CDKAL1: variants seen among roughly 807,000 people sequenced by gnomAD.
CDKAL1 encodes threonylcarbamoyladenosine tRNA methylthiotransferase.
In CDKAL1, 32 loss-of-function variants were observed where a neutral mutation model predicts 68.2. The observed-to-expected ratio is 0.47, with a 90% CI of 0.35 to 0.63. The LOEUF (loss-of-function observed/expected upper bound fraction) is 0.63, where lower values mean the gene tolerates loss of function less well. CDKAL1 is among the 30% of genes least tolerant of loss of function. CDKAL1 has a pLI of 0.00. For missense variants in CDKAL1, 606 were observed against 696.7 expected (o/e 0.87, Z 1.47); for synonymous variants, 234 against 244.3 (o/e 0.96, Z 0.39).
intron 4 of CDKAL1, among the ~76,000 whole-genome samples, chr6:20,621,827 C>T (rs1339433607): frequency 6.7e-6 from 1 of 149,976 alleles, no homozygotes; most frequent in East Asian, 2.0e-4. Context: ...GCTCATCTTG[C>T]ATATTTCCTG....
At chr6:20,885,747 A>G (rs184514496) in intron 9 of CDKAL1, among the ~76,000 whole-genome samples, 4 of 152,314 alleles carry the variant, frequency 2.6e-5, no homozygotes, top group Admixed American at 2.6e-4. Flanking sequence ...ATATTTACAA[A>G]TTATAAATTT....
chr6:20,661,147 T>G (rs1769266598), intron 5 of CDKAL1, among the ~76,000 whole-genome samples: 1 of 152,222 alleles, frequency 6.6e-6, no homozygotes, highest in Non-Finnish European at 1.5e-5. Flanking sequence ...AGTTACTTAT[T>G]CACTGAATTG....
At chr6:20,861,025 C>A (rs1451704033) in intron 9 of CDKAL1, among the ~76,000 whole-genome samples, 1 of 149,596 alleles carries the variant, frequency 6.7e-6, no homozygotes, top group African/African-American at 2.5e-5. Context: ...TAAGAACTTT[C>A]CCTAAATACC....
chr6:21,223,575 G>T (rs550207657), intron 15 of CDKAL1, among the ~76,000 whole-genome samples: 1 of 150,952 alleles, frequency 6.6e-6, no homozygotes, highest in Admixed American at 6.6e-5. Flanking sequence ...TGGAAGAAAG[G>T]CCTCTAAACA....
chr6:21,090,947 G>A (rs905702332), intron 12 of CDKAL1, among the ~76,000 whole-genome samples: 1 of 151,870 alleles, frequency 6.6e-6, no homozygotes, highest in Non-Finnish European at 1.5e-5. Context: ...TGGGACTCCA[G>A]GCAAGCACCA....
chr6:20,600,487 G>A (rs1766034029), intron 4 of CDKAL1, among the ~76,000 whole-genome samples: 1 of 151,996 alleles, frequency 6.6e-6, no homozygotes, highest in Admixed American at 6.6e-5. Context: ...TATTTGAACA[G>A]TTTGATTCTG....
intron 8 of CDKAL1, among the ~76,000 whole-genome samples, chr6:20,810,788 C>G (rs540778895): frequency 6.6e-6 from 1 of 152,086 alleles, no homozygotes; most frequent in East Asian, 1.9e-4. Context: ...TATCATTAAA[C>G]ATCTAGTCAG....
chr6:20,838,089 C>A (rs915637677), intron 8 of CDKAL1, among the ~76,000 whole-genome samples: 1 of 151,634 alleles, frequency 6.6e-6, no homozygotes, highest in African/African-American at 2.4e-5. Flanking sequence ...TATACATCTA[C>A]TTTACATAAT....
chr6:21,220,407 A>C (rs1779496270), intron 15 of CDKAL1, among the ~76,000 whole-genome samples: 3 of 152,190 alleles, frequency 2.0e-5, no homozygotes, highest in Admixed American at 2.0e-4. Context: ...TGGAGAAAAA[A>C]ATTTAAACAA....
intron 9 of CDKAL1, among the ~76,000 whole-genome samples, chr6:20,942,366 CTTTTTT>C (rs70990083): frequency 8.0e-6 from 1 of 124,872 alleles, no homozygotes; most frequent in Non-Finnish European, 1.7e-5. Context: ...TATATATATA[CTTTTTT>C]TTTTTTTTTT....
At chr6:20,709,488 A>C (rs1040849936) in intron 5 of CDKAL1, among the ~76,000 whole-genome samples, 5 of 152,258 alleles carry the variant, frequency 3.3e-5, no homozygotes, top group African/African-American at 1.2e-4. Flanking sequence ...TCCACTTCCA[A>C]GCATTTCAGA....
chr6:20,780,050 A>G (rs1775347181), intron 7 of CDKAL1, among the ~76,000 whole-genome samples: 1 of 151,120 alleles, frequency 6.6e-6, no homozygotes. Flanking sequence ...GGAGTTTGAA[A>G]TCAGCCTAGG....
chr6:21,005,788 A>G (rs1362744687), intron 11 of CDKAL1, among the ~76,000 whole-genome samples: 4 of 152,154 alleles, frequency 2.6e-5, no homozygotes, highest in Non-Finnish European at 5.9e-5. Flanking sequence ...ATTTATTATT[A>G]TTCCCGTAAG....
chr6:20,886,171 G>T (rs1441294769), intron 9 of CDKAL1, among the ~76,000 whole-genome samples: 4 of 152,212 alleles, frequency 2.6e-5, no homozygotes, highest in African/African-American at 9.6e-5. Context: ...AGTCTTTAGT[G>T]TGATGCAAAT....
intron 4 of CDKAL1, among the ~76,000 whole-genome samples, chr6:20,598,694 A>G (rs1765948588): frequency 6.6e-6 from 1 of 152,204 alleles, no homozygotes; most frequent in African/African-American, 2.4e-5. Flanking sequence ...ATTAGTTTTT[A>G]GCATTTAGAA....
At chr6:20,975,784 A>G (rs1040755925) in intron 10 of CDKAL1, among the ~76,000 whole-genome samples, 1 of 152,214 alleles carries the variant, frequency 6.6e-6, no homozygotes, top group African/African-American at 2.4e-5. Flanking sequence ...CTGAAACCCA[A>G]AATATCTAAG....
At chr6:20,542,788 G>C (rs958107341) in intron 2 of CDKAL1, among the ~76,000 whole-genome samples, 1 of 152,164 alleles carries the variant, frequency 6.6e-6, no homozygotes. Context: ...GATTCCTCAT[G>C]TTGCTCTTTT....
intron 10 of CDKAL1, among the ~76,000 whole-genome samples, chr6:20,994,501 G>T (rs1200995808): frequency 2.0e-5 from 3 of 151,996 alleles, no homozygotes. Flanking sequence ...AAGAGAAAAT[G>T]CACTGTGGTT....
chr6:21,179,036 T>C (rs1003562519), intron 13 of CDKAL1, among the ~76,000 whole-genome samples: 2 of 152,248 alleles, frequency 1.3e-5, no homozygotes, highest in African/African-American at 4.8e-5. Flanking sequence ...GAAACTCTTA[T>C]TTTCCATTAT....
Sources: gnomAD v4.1 joint callset for allele counts (sites outside exome capture counted in the v4.1 genomes callset) on GRCh38, gnomAD v4.1.1 for gene constraint, MANE v1.5 for transcripts, NCBI Gene and HGNC (gene_info 2026-07-23, HGNC 2026-07-21) for gene names.